Variants in POM121C observed in about 807,000 individuals in gnomAD.
The protein encoded by POM121C is POM121 transmembrane nucleoporin C.
Under a neutral mutation model 66.4 loss-of-function variants are expected in POM121C, and 20 were observed. The observed-to-expected ratio is 0.30, with a 90% CI of 0.21 to 0.44. POM121C has a LOEUF of 0.44. Ranked by LOEUF, POM121C falls within the 20% of genes least tolerant of loss-of-function variation. The probability of loss-of-function intolerance (pLI) is 1.00; values close to 1 mark genes in which losing one functional copy is unlikely to be tolerated. For synonymous variants in POM121C, 286 were observed against 528.0 expected, an observed-to-expected ratio of 0.54 and a Z score of 6.28; for missense variants, 580 against 1,225.7, an observed-to-expected ratio of 0.47 and a Z score of 7.87.
At chr7:75,441,739 C>T (rs1159126337) in intron 3 of POM121C, 92 bp from the exon 4 acceptor site, 13 of 1,212,634 alleles carry the variant, frequency 1.1e-5, no homozygotes, top group African/African-American at 3.0e-5. Flanking sequence ...AGACATTTTC[C>T]AAAGAACTTA....
At chr7:75,460,853 C>A (rs1382207942) in intron 3 of POM121C, among the ~76,000 whole-genome samples, 2 of 152,078 alleles carry the variant, frequency 1.3e-5, no homozygotes, top group Non-Finnish European at 2.9e-5. Context: ...GAGGACCAGC[C>A]CGGATGCTTG....
At chr7:75,441,952 T>G (rs1388955871) in intron 3 of POM121C, among the ~76,000 whole-genome samples, 1 of 79,636 alleles carries the variant, frequency 1.3e-5, no homozygotes, top group Non-Finnish European at 2.8e-5. Context: ...GGAATCGTTT[T>G]GGCAACACAT....
chr7:75,417,065 T>C lies in POM121C; in HGVS notation c.*1731A>G, dbSNP rs587629187. 5.4e-6 allele frequency: 6 copies of C among 1,103,478 alleles called. No homozygotes were observed. The highest frequency in any genetic ancestry group is 5.5e-6 in the Non-Finnish European group (5 of 901,774). 68.4% of individuals were successfully genotyped at this position (1,103,478 alleles called of 1,614,324 possible). ...ACATAAGGTACAGGTAGAAGCTTGA[T>C]TGCTAGGCCCAGGCCCACCCAGACC... On this transcript the variant is annotated 3_prime_UTR_variant, in exon 15 of 15. Coordinates refer to ENST00000615331, the MANE Select transcript of POM121C (RefSeq NM_001099415.3).
rs1346074236 is a variant in POM121C, at chr7:75,448,528, G to A, written c.-151-6881C>T. On this transcript the variant is annotated intron_variant, in intron 3 of 14. Coordinates refer to ENST00000615331, the MANE Select transcript of POM121C (RefSeq NM_001099415.3). The stretch of plus-strand genomic sequence containing the variant: ...AAAAAAAAAAAAAAAAAGGCCAGGC[G>A]CAGTGGTTCACACCTATAATCCCAG... Among the ~76,000 whole-genome samples the A allele has an allele frequency of 5.5e-3, 758 of 137,004 alleles. 12 individuals are homozygous for A. Among genetic ancestry groups the A allele is most frequent in the African/African-American group, 0.02 (721 of 35,798 alleles). The allele number at this position is 137,004 out of a possible 152,430, so 89.9% of individuals were successfully genotyped here.
chr7:75,468,697 C>T (rs1166465139), intron 3 of POM121C, among the ~76,000 whole-genome samples: 4 of 152,126 alleles, frequency 2.6e-5, no homozygotes, highest in Admixed American at 6.6e-5. Context: ...CTTGATGTTT[C>T]CATTTGGATA....
At chr7:75,463,006 G>A (rs1431653881) in intron 3 of POM121C, among the ~76,000 whole-genome samples, 2 of 152,000 alleles carry the variant, frequency 1.3e-5, no homozygotes, top group African/African-American at 2.4e-5. Context: ...CTGCAGGCAG[G>A]GAGTAAAGCC....
Position 75,441,633 on chromosome 7 carries a change from A to G in POM121C, c.-137T>C, listed in dbSNP as rs1554474029. On this transcript the variant is annotated 5_prime_UTR_variant, in exon 4 of 15. Transcript: ENST00000615331. ...AGGTGTTATTACAAACCGATCTGGT[A>G]AAGTCCCACGATCCCTGCAGAGAAT... 1.3e-6 allele frequency: 2 copies of G among 1,557,650 alleles called. No homozygotes were observed. The highest frequency in any genetic ancestry group is 1.9e-5 in the Admixed American group (1 of 51,422).
At chr7:75,436,817 C>T (rs587614470) in intron 7 of POM121C, among the ~76,000 whole-genome samples, 13 of 152,184 alleles carry the variant, frequency 8.5e-5, no homozygotes, top group Admixed American at 2.6e-4. Context: ...GACACAGTCT[C>T]GCTCTGTTGC....
rs587722432 is a variant in POM121C, at chr7:75,462,656, T to G, written c.-152+12048A>C. Among the ~76,000 whole-genome samples, 15 of 152,136 alleles carry G rather than the reference T, an allele frequency of 9.9e-5. No homozygotes were observed. In the East Asian group the frequency reaches 2.9e-3, roughly 29 times the overall value. On this transcript the variant is annotated intron_variant, in intron 3 of 14. Transcript: ENST00000615331. ...GCTGCCTGAGGGCTGCCAAAAGAACTGATACAGGGCAGCTGCCTTTGTTTC... is the reference window on the plus strand; with the variant it reads ...GCTGCCTGAGGGCTGCCAAAAGAACGGATACAGGGCAGCTGCCTTTGTTTC...
chr7:75,430,952 C>T (rs1442957047), intron 7 of POM121C, among the ~76,000 whole-genome samples: 6 of 151,150 alleles, frequency 4.0e-5, no homozygotes, highest in African/African-American at 9.7e-5. Flanking sequence ...GGCAGGTGCC[C>T]GCAGTCCCAG....
At chr7:75,478,008 C>T (rs1402888774) in intron 1 of POM121C, among the ~76,000 whole-genome samples, 35 of 152,112 alleles carry the variant, frequency 2.3e-4, no homozygotes, top group African/African-American at 8.2e-4. Context: ...CTCTTGTCTT[C>T]CAGGCTGGGG....
At chr7:75,434,279 A>AT (rs78983395) in intron 7 of POM121C, among the ~76,000 whole-genome samples, 10,001 of 144,600 alleles carry the variant, frequency 0.069, 447 homozygotes, top group Non-Finnish European at 0.11. Flanking sequence ...ATTAAATACT[A>AT]TTTTTTTTTT....
intron 3 of POM121C, among the ~76,000 whole-genome samples, chr7:75,444,267 G>C (rs1584678838): frequency 8.3e-6 from 1 of 120,526 alleles, no homozygotes; most frequent in African/African-American, 2.7e-5. Flanking sequence ...AGGGGGGGGG[G>C]GGCGGAGGGG....
At chr7:75,481,819 AAAAAG>A (rs1269126366) in intron 1 of POM121C, among the ~76,000 whole-genome samples, 37 of 152,302 alleles carry the variant, frequency 2.4e-4, no homozygotes, top group African/African-American at 8.4e-4. Context: ...CTGTCTCCAA[AAAAAG>A]AAAAGAAAAG....
intron 3 of POM121C, among the ~76,000 whole-genome samples, chr7:75,450,466 C>CA (rs1302746497): frequency 7.2e-5 from 11 of 152,288 alleles, no homozygotes; most frequent in Admixed American, 3.9e-4. Context: ...AAACACCTGA[C>CA]AAAGACCTAA....
intron 3 of POM121C, among the ~76,000 whole-genome samples, chr7:75,462,274 T>C (rs1271395385): frequency 6.6e-6 from 1 of 152,124 alleles, no homozygotes. Context: ...TGCCAGCCAG[T>C]GAAGAGGGTA....
At chr7:75,474,498 A>G (rs1792000532) in intron 3 of POM121C, among the ~76,000 whole-genome samples, 1 of 152,210 alleles carries the variant, frequency 6.6e-6, no homozygotes, top group African/African-American at 2.4e-5. Context: ...ATGGGTCCCC[A>G]GTATAGGTTA....
intron 3 of POM121C, chr7:75,442,537 C>T: frequency 1.4e-6 from 2 of 1,449,350 alleles, no homozygotes; most frequent in East Asian, 2.7e-5. Context: ...CCGCGGTAGT[C>T]CCCACGGCCA....
intron 5 of POM121C, among the ~76,000 whole-genome samples, chr7:75,440,327 G>A (rs1396214333): frequency 6.6e-6 from 1 of 151,470 alleles, no homozygotes; most frequent in Non-Finnish European, 1.5e-5. Context: ...CAGCACTTTG[G>A]GAGGCCAAGG....
Sources: allele counts gnomAD v4.1 joint callset (sites outside exome capture counted in the v4.1 genomes callset), GRCh38; gene constraint gnomAD v4.1.1; transcripts MANE v1.5; gene names NCBI Gene and HGNC (gene_info 2026-07-23, HGNC 2026-07-21).